CNTNAP4: variants seen among roughly 807,000 people sequenced by gnomAD.
CNTNAP4 encodes contactin associated protein family member 4, also known as contactin-associated protein-like 4.
CNTNAP4 carries 98 observed loss-of-function variants against 148.4 expected under a neutral mutation model. The ratio of observed to expected loss-of-function variants is 0.66; its 90% CI spans 0.56 to 0.78. CNTNAP4 has a LOEUF of 0.78. Ranked by LOEUF, CNTNAP4 falls within the 30% of genes least tolerant of loss-of-function variation. CNTNAP4 has a pLI of 0.00. For synonymous variants in CNTNAP4, 730 were observed against 565.1 expected, an observed-to-expected ratio of 1.29 and a Z score of -4.14; for missense variants, 1,935 against 1,565.6, an observed-to-expected ratio of 1.24 and a Z score of -3.98.
At chr16:76,329,376 G>T (rs899058860) in intron 2 of CNTNAP4, among the ~76,000 whole-genome samples, 7 of 152,168 alleles carry the variant, frequency 4.6e-5, no homozygotes, top group African/African-American at 1.7e-4. Flanking sequence ...AGAGTTGTTT[G>T]CTCTGGCAGT....
At chr16:76,328,526 A>T (rs1457261506) in intron 2 of CNTNAP4, among the ~76,000 whole-genome samples, 1 of 152,240 alleles carries the variant, frequency 6.6e-6, no homozygotes, top group African/African-American at 2.4e-5. Context: ...GGATCGTGGA[A>T]CGCAGAAAGG....
intron 4 of CNTNAP4, among the ~76,000 whole-genome samples, chr16:76,433,431 CAT>C (rs1207687064): frequency 5.9e-5 from 9 of 152,034 alleles, no homozygotes; most frequent in South Asian, 2.1e-4. Flanking sequence ...CATTTTAAAA[CAT>C]ATTAACTTGC....
intron 2 of CNTNAP4, among the ~76,000 whole-genome samples, chr16:76,321,528 G>A (rs1567696032): frequency 1.3e-5 from 2 of 152,134 alleles, no homozygotes; most frequent in Non-Finnish European, 2.9e-5. Context: ...AGTGGCTCAT[G>A]CTTGTAATCC....
At chr16:76,522,584 TTCTCTC>T (rs140375003) in intron 17 of CNTNAP4, among the ~76,000 whole-genome samples, 2 of 145,226 alleles carry the variant, frequency 1.4e-5, no homozygotes, top group South Asian at 2.3e-4. Context: ...CCTCCTTTCT[TTCTCTC>T]TCTCTCTTTC....
intron 10 of CNTNAP4, among the ~76,000 whole-genome samples, chr16:76,473,024 G>A (rs1018032556): frequency 1.3e-5 from 2 of 152,110 alleles, no homozygotes; most frequent in African/African-American, 4.8e-5. Context: ...AGCCTTCTCT[G>A]AATAATGTCC....
chr16:76,477,626 A>C (rs1400678534), intron 11 of CNTNAP4, among the ~76,000 whole-genome samples: 1 of 152,140 alleles, frequency 6.6e-6, no homozygotes, highest in African/African-American at 2.4e-5. Context: ...GTGTATACTG[A>C]GGTGCCTCAT....
chr16:76,310,514 G>T (rs1389300811), intron 1 of CNTNAP4, among the ~76,000 whole-genome samples: 1 of 152,066 alleles, frequency 6.6e-6, no homozygotes, highest in African/African-American at 2.4e-5. Context: ...TGGACTATTT[G>T]GAATAGGTCT....
intron 4 of CNTNAP4, among the ~76,000 whole-genome samples, chr16:76,437,445 C>G (rs1180248937): frequency 6.6e-6 from 1 of 151,982 alleles, no homozygotes; most frequent in Non-Finnish European, 1.5e-5. Context: ...ACTATGAAAA[C>G]CTATCAGGGT....
At chr16:76,468,905 A>C (rs2081271050) in intron 10 of CNTNAP4, among the ~76,000 whole-genome samples, 1 of 152,248 alleles carries the variant, frequency 6.6e-6, no homozygotes, top group Non-Finnish European at 1.5e-5. Flanking sequence ...TACAGATTAA[A>C]CAATTTTTAA....
intron 2 of CNTNAP4, among the ~76,000 whole-genome samples, chr16:76,317,244 C>T (rs1349100900): frequency 2.3e-5 from 3 of 131,528 alleles, no homozygotes; most frequent in African/African-American, 5.9e-5. Context: ...CAAAGTGAGA[C>T]CCTGTCTCAA....
chr16:76,529,843 C>CTGTGTGTGTG (rs35748962), intron 17 of CNTNAP4, among the ~76,000 whole-genome samples: 1,486 of 148,452 alleles, frequency 0.01, 8 homozygotes, highest in East Asian at 0.023. Flanking sequence ...TGAATCTCAG[C>CTGTGTGTGTG]TGTGTGTGTG....
chr16:76,447,355 A>C (rs1597570892), intron 4 of CNTNAP4, among the ~76,000 whole-genome samples: 1 of 82,640 alleles, frequency 1.2e-5, no homozygotes, highest in Non-Finnish European at 3.6e-5. Context: ...TATATATGAA[A>C]TTATATATAT....
chr16:76,484,001 C>G (rs1445373923), intron 12 of CNTNAP4, among the ~76,000 whole-genome samples: 1 of 151,664 alleles, frequency 6.6e-6, no homozygotes, highest in Non-Finnish European at 1.5e-5. Context: ...ATGAAATTAT[C>G]AATTTTATTT....
At chr16:76,391,124 A>C (rs34929330) in intron 3 of CNTNAP4, among the ~76,000 whole-genome samples, 9,975 of 152,152 alleles carry the variant, frequency 0.066, 845 homozygotes, top group African/African-American at 0.2. Flanking sequence ...GGTTTTGTAC[A>C]CATTAACTAT....
chr16:76,286,691 G>A (rs552191312), intron 1 of CNTNAP4, among the ~76,000 whole-genome samples: 3 of 152,098 alleles, frequency 2.0e-5, no homozygotes, highest in Non-Finnish European at 4.4e-5. Context: ...CAAGAGAAGG[G>A]CATGATAAAC....
chr16:76,418,912 G>A (rs1164863977), intron 3 of CNTNAP4, among the ~76,000 whole-genome samples: 1 of 151,874 alleles, frequency 6.6e-6, no homozygotes, highest in Non-Finnish European at 1.5e-5. Context: ...AGATGCTTCC[G>A]GTTCATCTAA....
intron 2 of CNTNAP4, among the ~76,000 whole-genome samples, chr16:76,354,527 G>C (rs995167537): frequency 3.3e-5 from 5 of 152,168 alleles, no homozygotes; most frequent in South Asian, 4.1e-4. Flanking sequence ...ACAGTGGTGT[G>C]TTGGTAAACT....
At chr16:76,506,258 T>A (rs2082830099) in intron 15 of CNTNAP4, among the ~76,000 whole-genome samples, 3 of 95,376 alleles carry the variant, frequency 3.1e-5, no homozygotes, top group African/African-American at 7.8e-5. Flanking sequence ...TTAGCATGTA[T>A]AAAAATTACT....
At chr16:76,365,596 C>CA (rs1243468503) in intron 3 of CNTNAP4, among the ~76,000 whole-genome samples, 1 of 151,582 alleles carries the variant, frequency 6.6e-6, no homozygotes, top group Non-Finnish European at 1.5e-5. Context: ...ACTAAAAATA[C>CA]AAAAAATTAC....
Sources: allele counts gnomAD v4.1 joint callset (sites outside exome capture counted in the v4.1 genomes callset), GRCh38; gene constraint gnomAD v4.1.1; transcripts MANE v1.5; gene names NCBI Gene and HGNC (gene_info 2026-07-23, HGNC 2026-07-21).